The following FSTL4 variants were observed in gnomAD, a reference collection of about 807,000 sequenced individuals.
The protein encoded by FSTL4 is follistatin-related protein 4.
Under a neutral mutation model 78.2 loss-of-function variants are expected in FSTL4, and 28 were observed. The ratio of observed to expected loss-of-function variants is 0.36; its 90% CI spans 0.27 to 0.49. The LOEUF (loss-of-function observed/expected upper bound fraction) is 0.49. Among genes scored for constraint, FSTL4 ranks in the 20% least tolerant of loss-of-function variants. The probability of loss-of-function intolerance (pLI) is 0.98; values close to 1 mark genes in which losing one functional copy is unlikely to be tolerated. For synonymous variants in FSTL4, 422 were observed against 440.5 expected (o/e 0.96, Z 0.53); for missense variants, 922 against 1,084.9 (o/e 0.85, Z 2.11).
At chr5:133,578,313 T>G (rs1024945274) in intron 2 of FSTL4, among the ~76,000 whole-genome samples, 9 of 152,260 alleles carry the variant, frequency 5.9e-5, no homozygotes, top group Non-Finnish European at 1.0e-4. Context: ...ACCTGATTGT[T>G]TCAGTAGCTG....
At chr5:133,462,072 C>A (rs564420429) in intron 3 of FSTL4, among the ~76,000 whole-genome samples, 1 of 152,334 alleles carries the variant, frequency 6.6e-6, no homozygotes, top group African/African-American at 2.4e-5. Context: ...TCTGACCTCA[C>A]CTGAGTCCAT....
chr5:133,779,880 G>A, the FSTL4 span, among the ~76,000 whole-genome samples: 1 of 152,312 alleles, frequency 6.6e-6, no homozygotes, highest in Non-Finnish European at 1.5e-5. Flanking sequence ...ATGTGTAAGT[G>A]CTTATTAGGG....
At chr5:133,231,987 C>T (rs188243644) in intron 8 of FSTL4, among the ~76,000 whole-genome samples, 3 of 152,252 alleles carry the variant, frequency 2.0e-5, no homozygotes, top group South Asian at 2.1e-4. Flanking sequence ...AAGTAGCATG[C>T]GGGAGTAATA....
At chr5:133,316,689 T>A in intron 4 of FSTL4, 37 bp from the exon 5 acceptor site, 9 of 1,548,860 alleles carry the variant, frequency 5.8e-6, no homozygotes, top group Non-Finnish European at 7.1e-6. Context: ...TTGAGACTTA[T>A]CCCGTGGTCT....
At chr5:133,336,135 C>G (rs891453880) in intron 4 of FSTL4, among the ~76,000 whole-genome samples, 1 of 152,222 alleles carries the variant, frequency 6.6e-6, no homozygotes, top group Admixed American at 6.5e-5. Context: ...AAACCATAAC[C>G]ACGGGACAGC....
chr5:133,771,383 C>T, the FSTL4 span, among the ~76,000 whole-genome samples: 2 of 152,108 alleles, frequency 1.3e-5, no homozygotes, highest in East Asian at 3.9e-4. Context: ...GAGTCTTGTA[C>T]AATTTCTTTA....
chr5:133,450,274 T>C (rs1269208684), intron 3 of FSTL4, among the ~76,000 whole-genome samples: 2 of 152,194 alleles, frequency 1.3e-5, no homozygotes, highest in African/African-American at 4.8e-5. Flanking sequence ...CTTTATGACA[T>C]GCATTATGGA....
intron 11 of FSTL4, among the ~76,000 whole-genome samples, chr5:133,222,069 G>C (rs1304072368): frequency 6.6e-6 from 1 of 151,744 alleles, no homozygotes. Context: ...TGGGTCCTTG[G>C]CACCCAGAGG....
At chr5:133,664,970 A>G in the FSTL4 span, among the ~76,000 whole-genome samples, 1 of 152,184 alleles carries the variant, frequency 6.6e-6, no homozygotes, top group Non-Finnish European at 1.5e-5. Flanking sequence ...CCATATCAGC[A>G]TTTCCATGCA....
intron 6 of FSTL4, among the ~76,000 whole-genome samples, chr5:133,281,201 C>T (rs533940338): frequency 6.3e-4 from 96 of 152,280 alleles, no homozygotes; most frequent in African/African-American, 2.2e-3. Flanking sequence ...TCTCCTTTAG[C>T]TCAAATCCTG....
chr5:133,609,036 G>C (rs559378317), intron 1 of FSTL4, among the ~76,000 whole-genome samples: 157 of 152,214 alleles, frequency 1.0e-3, no homozygotes, highest in Middle Eastern at 6.8e-3. Flanking sequence ...TCAGAGTTTC[G>C]GTGGCATTGT....
At chr5:133,322,063 C>CG (rs1754071555) in intron 4 of FSTL4, among the ~76,000 whole-genome samples, 1 of 152,198 alleles carries the variant, frequency 6.6e-6, no homozygotes, top group Non-Finnish European at 1.5e-5. Flanking sequence ...TAAGTCAAGC[C>CG]TTACAGTGAG....
intron 3 of FSTL4, among the ~76,000 whole-genome samples, chr5:133,483,509 C>T (rs779780340): frequency 6.6e-6 from 1 of 152,184 alleles, no homozygotes; most frequent in Non-Finnish European, 1.5e-5. Flanking sequence ...ACCATTTAAG[C>T]GCACTCCAGT....
At chr5:133,625,647 T>C in the FSTL4 span, among the ~76,000 whole-genome samples, 1 of 145,044 alleles carries the variant, frequency 6.9e-6, no homozygotes, top group East Asian at 2.0e-4. Context: ...CTTCCTTAGT[T>C]CTGCTTGCTT....
intron 3 of FSTL4, among the ~76,000 whole-genome samples, chr5:133,521,919 A>G (rs187125328): frequency 8.5e-5 from 13 of 152,296 alleles, no homozygotes; most frequent in Admixed American, 5.9e-4. Flanking sequence ...TATAAACTGC[A>G]GGGTTGTCCC....
rs759954983 is a variant in FSTL4 at position 133,199,278 on chromosome 5, T to A, written c.2346A>T (p.Ala782=). The part of the protein sequence containing the change: ...GMLKNLKEPP[A]GPAQPWGGTH... ...TACCCCCCCAGGGCTGAGCTGGCCC[T>A]GCGGGTGGCTCCTTTAAGTTCTTCA... The change falls in exon 16 of 16, where the codon GCA becomes GCT. Residue 782 remains alanine (A), a synonymous_variant. Transcript: ENST00000265342. The surrounding 1 kb of genome is among the most constrained non-coding windows in gnomAD (Gnocchi z 4.4). 1 of 1,613,860 alleles carries A rather than the reference T, an allele frequency of 6.2e-7. No homozygotes were observed. Among genetic ancestry groups the A allele is most frequent in the African/African-American group, 1.3e-5 (1 of 74,926 alleles).
At chr5:133,452,619 T>G (rs1757407693) in intron 3 of FSTL4, among the ~76,000 whole-genome samples, 1 of 152,250 alleles carries the variant, frequency 6.6e-6, no homozygotes, top group Admixed American at 6.5e-5. Context: ...GTGCTCGTAT[T>G]AAATGTACTG....
At chr5:133,341,207 G>GT (rs1457053124) in intron 4 of FSTL4, among the ~76,000 whole-genome samples, 2 of 141,510 alleles carry the variant, frequency 1.4e-5, no homozygotes, top group African/African-American at 5.3e-5. Flanking sequence ...ACGTGAATAT[G>GT]TTTGAGTTCC....
At chr5:133,559,955 C>T (rs1561469195) in intron 3 of FSTL4, among the ~76,000 whole-genome samples, 1 of 152,212 alleles carries the variant, frequency 6.6e-6, no homozygotes. Flanking sequence ...TATCTGTGAT[C>T]TGACCTTTGT....
Sources: gnomAD v4.1 joint callset for allele counts (sites outside exome capture counted in the v4.1 genomes callset) on GRCh38, gnomAD v4.1.1 for gene constraint, Gnocchi (gnomAD v3.1) non-coding constraint, MANE v1.5 for transcripts, NCBI Gene and HGNC (gene_info 2026-07-23, HGNC 2026-07-21) for gene names.